SORCS2: variants seen among roughly 807,000 people sequenced by gnomAD.
SORCS2 encodes the protein sortilin related VPS10 domain containing receptor 2.
Under a neutral mutation model 141.6 loss-of-function variants are expected in SORCS2, and 100 were observed. The observed-to-expected ratio is 0.71, with a 90% CI of 0.60 to 0.83. SORCS2 has a LOEUF of 0.83. SORCS2 is among the 40% of genes least tolerant of loss of function. The pLI is 0.00. For missense variants in SORCS2, 1,646 were observed against 1,560.2 expected (o/e 1.05, Z -0.93); for synonymous variants, 789 against 676.9 (o/e 1.17, Z -2.57).
intron 3 of SORCS2, among the ~76,000 whole-genome samples, chr4:7,586,845 G>A (rs961665436): frequency 3.9e-5 from 6 of 151,906 alleles, no homozygotes; most frequent in Non-Finnish European, 7.4e-5. Flanking sequence ...TATACTCCTC[G>A]GAGATCAGCC....
intron 2 of SORCS2, among the ~76,000 whole-genome samples, chr4:7,406,292 C>T (rs776245556): frequency 1.3e-5 from 2 of 149,932 alleles, no homozygotes; most frequent in African/African-American, 2.4e-5. Flanking sequence ...TATTTTTGAG[C>T]AGTTTGAGTA....
rs149721027 is a variant in SORCS2 at position 7,732,173 on chromosome 4, G to A, written c.3109-1149G>A. 3.2e-3 allele frequency among the ~76,000 whole-genome samples: 493 copies of A among 152,330 alleles called. 2 individuals carry two copies. Among genetic ancestry groups the A allele is most frequent in the Middle Eastern group, 6.8e-3 (2 of 294 alleles). ...TTTCTCAAAGGGAGACACACAAATG[G>A]CCAACAGGTATGTGGAAAACATGCT... is the stretch of plus-strand genomic sequence containing the variant. On this transcript the variant is annotated intron_variant, in intron 23 of 26. Coordinates refer to ENST00000507866, the MANE Select transcript of SORCS2 (RefSeq NM_020777.3).
intron 3 of SORCS2, among the ~76,000 whole-genome samples, chr4:7,614,895 C>A (rs1015191422): frequency 6.6e-6 from 1 of 151,990 alleles, no homozygotes; most frequent in Non-Finnish European, 1.5e-5. Flanking sequence ...TGCCATCCAC[C>A]CATCAATCCA....
At position 7,663,347 on chromosome 4, in the gene SORCS2, T is replaced by TCA. The variant is rs1444685614; in HGVS notation, c.953-1006_953-1005insCA. On this transcript the variant is annotated intron_variant, in intron 6 of 26. Coordinates refer to ENST00000507866, the MANE Select transcript of SORCS2 (RefSeq NM_020777.3). The surrounding 1 kb of genome is among the most constrained non-coding windows in gnomAD (Gnocchi z 4.8). ...GTGAGTGATTGAGTGAGTGAGTGAGTGAGTCAGTCAGTCAGTAGACTGTTG... is the reference window on the plus strand; with the variant it reads ...GTGAGTGATTGAGTGAGTGAGTGAGTCAGAGTCAGTCAGTCAGTAGACTGTTG... Among the ~76,000 whole-genome samples the TCA allele has an allele frequency of 3.3e-3, 507 of 152,272 alleles. 2 individuals are homozygous for TCA. The highest frequency in any genetic ancestry group is 0.01 in the African/African-American group (419 of 41,542).
rs1011294142 is a variant in SORCS2, at chr4:7,360,111, C to G, written c.481-36177C>G. Among the ~76,000 whole-genome samples, 5 of 152,198 alleles carry G rather than the reference C, an allele frequency of 3.3e-5. 1 individual carries two copies. The highest frequency in any genetic ancestry group is 7.3e-5 in the Non-Finnish European group (5 of 68,034). Reference sequence around the variant, plus strand: ...GAAGGCCCCTGAGGCAGATAATTATCTTTTTAATGTTGCCAACGTTGATTG... The same window carrying G: ...GAAGGCCCCTGAGGCAGATAATTATGTTTTTAATGTTGCCAACGTTGATTG... On this transcript the variant is annotated intron_variant, in intron 1 of 26. Transcript: ENST00000507866.
At chr4:7,202,952 C>T (rs1007865882) in intron 1 of SORCS2, among the ~76,000 whole-genome samples, 4 of 151,898 alleles carry the variant, frequency 2.6e-5, no homozygotes, top group African/African-American at 9.7e-5. Flanking sequence ...TCAGGCACGT[C>T]ATGCCCATTT....
chr4:7,738,909 AC>A, intron 26 of SORCS2, among the ~76,000 whole-genome samples: 1 of 151,394 alleles, frequency 6.6e-6, no homozygotes, highest in East Asian at 2.0e-4. Flanking sequence ...TGTCTGCCCC[AC>A]CCCCGGTGGG....
intron 23 of SORCS2, among the ~76,000 whole-genome samples, chr4:7,731,579 A>G (rs1343920448): frequency 6.6e-6 from 1 of 152,244 alleles, no homozygotes; most frequent in Non-Finnish European, 1.5e-5. Context: ...TTACAAAGTT[A>G]CAGTAATCCA....
chr4:7,414,209 C>T (rs1027438128), intron 2 of SORCS2, among the ~76,000 whole-genome samples: 1 of 152,230 alleles, frequency 6.6e-6, no homozygotes, highest in Non-Finnish European at 1.5e-5. Context: ...AACCAGGATC[C>T]TGCCAACCAG....
In SORCS2 at chr4:7,741,729, G is replaced by A. The variant is rs1712694178; in HGVS notation, c.*1465G>A. On this transcript the variant is annotated 3_prime_UTR_variant, in exon 27 of 27. Transcript: ENST00000507866. ...AGAAAGGGAGAACGCCAGAGCCCTG[G>A]CTGGTGACATGCTGGCTGGGGGTGA... The A allele has an allele frequency of 6.4e-6, 1 of 156,840 alleles. No homozygotes were observed. Among genetic ancestry groups the A allele is most frequent in the Admixed American group, 6.5e-5 (1 of 15,396 alleles). The allele number at this position is 156,840 out of a possible 1,614,324, so 9.7% of individuals were successfully genotyped here.
rs141285565 is a variant in SORCS2 at position 7,451,000 on chromosome 4, G to A, written c.548+54645G>A. Among the ~76,000 whole-genome samples the A allele has an allele frequency of 1.6e-3, 241 of 151,416 alleles. 1 individual carries two copies. The highest frequency in any genetic ancestry group is 5.3e-3 in the African/African-American group (219 of 41,236). On this transcript the variant is annotated intron_variant, in intron 2 of 26. Transcript: ENST00000507866. The stretch of plus-strand genomic sequence containing the variant: ...CATGAGTGACTGAGTGGGTGAATGA[G>A]GGAGTGAATGAATGAGGAAGTGAGG...
intron 14 of SORCS2, among the ~76,000 whole-genome samples, chr4:7,706,511 G>A (rs1725471870): frequency 7.0e-6 from 1 of 142,612 alleles, no homozygotes; most frequent in Admixed American, 6.9e-5. Context: ...CGCCTGGGCA[G>A]GGATGAGGCT....
intron 23 of SORCS2, among the ~76,000 whole-genome samples, chr4:7,730,521 G>T (rs143929315): frequency 1.3e-5 from 2 of 152,310 alleles, no homozygotes; most frequent in Non-Finnish European, 2.9e-5. Context: ...AACAAATTGT[G>T]GTCCAACCTT....
chr4:7,263,515 G>T (rs1385117441), intron 1 of SORCS2, among the ~76,000 whole-genome samples: 1 of 152,224 alleles, frequency 6.6e-6, no homozygotes, highest in Non-Finnish European at 1.5e-5. Context: ...CGACCTGATT[G>T]CGAACCTGCT....
At chr4:7,685,474 C>T (rs1232138729) in intron 10 of SORCS2, among the ~76,000 whole-genome samples, 1 of 152,104 alleles carries the variant, frequency 6.6e-6, no homozygotes, top group East Asian at 1.9e-4. Flanking sequence ...GGTTTGAGAC[C>T]AGCCTGGCCA....
At chr4:7,541,599 G>A (rs973067318) in intron 3 of SORCS2, among the ~76,000 whole-genome samples, 9 of 152,172 alleles carry the variant, frequency 5.9e-5, no homozygotes, top group Non-Finnish European at 1.2e-4. Flanking sequence ...CGCCCAGGCA[G>A]CCAGGCCTCT....
chr4:7,219,402 C>G (rs1177276694), intron 1 of SORCS2, among the ~76,000 whole-genome samples: 2 of 152,166 alleles, frequency 1.3e-5, no homozygotes, highest in Non-Finnish European at 2.9e-5. Context: ...CCTGGGCACC[C>G]AGATGATTCA....
Position 7,716,915 on chromosome 4 carries a change from C to T in SORCS2, c.2253-1097C>T, listed in dbSNP as rs116697708. Among the ~76,000 whole-genome samples, 676 of 152,342 alleles carry T rather than the reference C, an allele frequency of 4.4e-3. 5 individuals carry two copies. The highest frequency in any genetic ancestry group is 0.015 in the African/African-American group (630 of 41,572). Reference sequence around the variant, plus strand: ...TAGAGAAGGGTATTTTCTTTCAAAGCACTAATGAAATGGGCCTGTGCATGA... The same window carrying T: ...TAGAGAAGGGTATTTTCTTTCAAAGTACTAATGAAATGGGCCTGTGCATGA... On this transcript the variant is annotated intron_variant, in intron 17 of 26. Coordinates refer to ENST00000507866, the MANE Select transcript of SORCS2 (RefSeq NM_020777.3).
In SORCS2 at chr4:7,570,173, G is replaced by A. The variant is rs555721953; in HGVS notation, c.648+38544G>A. Among the ~76,000 whole-genome samples the A allele has an allele frequency of 5.9e-5, 9 of 152,334 alleles. No individual in the cohort carries two copies. The South Asian group carries it at 8.3e-4, about 14-fold the overall frequency. ...CATTATTTTGGATTTCAGTGGCTGC[G>A]GAGGGGAGGGTAGTGAGTGATGGAT... On this transcript the variant is annotated intron_variant, in intron 3 of 26. Transcript: ENST00000507866.
Sources: allele counts gnomAD v4.1 joint callset (sites outside exome capture counted in the v4.1 genomes callset), GRCh38; gene constraint gnomAD v4.1.1; non-coding constraint Gnocchi (gnomAD v3.1); transcripts MANE v1.5; gene names NCBI Gene and HGNC (gene_info 2026-07-23, HGNC 2026-07-21).